Variants in MDFIC2 observed in about 807,000 individuals in gnomAD.
MDFIC2 encodes MyoD family inhibitor domain containing 2.
At chr3:70,274,078 T>TGG (rs754403100) in intron 2 of MDFIC2, among the ~76,000 whole-genome samples, 4 of 149,102 alleles carry the variant, frequency 2.7e-5, no homozygotes, top group African/African-American at 9.9e-5. Flanking sequence ...TGTGTGTGTG[T>TGG]GTGTGTGTGT....
intron 2 of MDFIC2, among the ~76,000 whole-genome samples, chr3:70,261,596 A>T (rs948039586): frequency 6.6e-6 from 1 of 152,126 alleles, no homozygotes; most frequent in Non-Finnish European, 1.5e-5. Flanking sequence ...TTTCCCTGAC[A>T]TCCCTGCCTG....
intron 2 of MDFIC2, among the ~76,000 whole-genome samples, chr3:70,289,079 T>C (rs1702199089): frequency 6.6e-6 from 1 of 152,170 alleles, no homozygotes; most frequent in African/African-American, 2.4e-5. Flanking sequence ...AATAGTGTTA[T>C]GTGTGTATTT....
intron 3 of MDFIC2, chr3:70,205,130 A>G (rs2106723165): frequency 6.6e-6 from 1 of 152,186 alleles, no homozygotes; most frequent in African/African-American, 2.4e-5. Flanking sequence ...AAAATAAATA[A>G]AAGTAATTAT....
intron 2 of MDFIC2, among the ~76,000 whole-genome samples, chr3:70,234,575 G>A (rs930738878): frequency 6.6e-6 from 1 of 151,906 alleles, no homozygotes; most frequent in Non-Finnish European, 1.5e-5. Flanking sequence ...GGGAAGTCGA[G>A]GCTGCAGTGA....
intron 2 of MDFIC2, among the ~76,000 whole-genome samples, chr3:70,232,404 A>AT (rs200752002): frequency 0.087 from 12,626 of 144,894 alleles, 563 homozygotes; most frequent in South Asian, 0.13. Flanking sequence ...TGATGTTCCT[A>AT]TTTTTTTTTT....
At chr3:70,278,046 C>A (rs1702044561) in intron 2 of MDFIC2, among the ~76,000 whole-genome samples, 1 of 152,100 alleles carries the variant, frequency 6.6e-6, no homozygotes, top group Non-Finnish European at 1.5e-5. Context: ...TAACCACCAC[C>A]CCATCAAGAT....
At position 70,195,281 on chromosome 3, in the gene MDFIC2, G is replaced by A. The variant is rs772978855; in HGVS notation, c.*1645C>T. Among the ~76,000 whole-genome samples the A allele has an allele frequency of 2.6e-5, 4 of 152,038 alleles. No individual in the cohort carries two copies. Among genetic ancestry groups the A allele is most frequent in the Non-Finnish European group, 2.9e-5 (2 of 68,016 alleles). ...TATAGAGCTGTTTCTTCGAGCTTCT[G>A]AAAAGCAGAAAGACTTTTTCATGGA... On this transcript the variant is annotated 3_prime_UTR_variant, in exon 4 of 4. Coordinates refer to ENST00000567252, the MANE Select transcript of MDFIC2 (RefSeq NM_001364677.1).
intron 3 of MDFIC2, among the ~76,000 whole-genome samples, chr3:70,198,872 C>A (rs1701207485): frequency 6.6e-6 from 1 of 152,106 alleles, no homozygotes; most frequent in South Asian, 2.1e-4. Context: ...AAACCTCCCA[C>A]AAAAATGCAA....
At chr3:70,219,562 T>A (rs947126480) in intron 2 of MDFIC2, among the ~76,000 whole-genome samples, 1 of 152,096 alleles carries the variant, frequency 6.6e-6, no homozygotes. Context: ...AGAGAAATAC[T>A]GAGAAATAAT....
chr3:70,245,673 A>ATATG (rs1701700097), intron 2 of MDFIC2, among the ~76,000 whole-genome samples: 2 of 50,330 alleles, frequency 4.0e-5, no homozygotes, highest in East Asian at 1.3e-3. Context: ...AAACTGCTTT[A>ATATG]TATATATATA....
intron 2 of MDFIC2, among the ~76,000 whole-genome samples, chr3:70,255,716 C>T (rs1163580779): frequency 2.0e-5 from 3 of 152,134 alleles, no homozygotes; most frequent in Admixed American, 2.0e-4. Flanking sequence ...ACTTTGGCCT[C>T]TCAAGGGGAG....
chr3:70,222,438 T>C (rs552731317), intron 2 of MDFIC2, among the ~76,000 whole-genome samples: 3 of 152,352 alleles, frequency 2.0e-5, no homozygotes, highest in African/African-American at 7.2e-5. Context: ...TTGGTATTTA[T>C]GGATTTGTTT....
At chr3:70,240,825 T>C (rs1701660446) in intron 2 of MDFIC2, among the ~76,000 whole-genome samples, 2 of 152,104 alleles carry the variant, frequency 1.3e-5, no homozygotes, top group Non-Finnish European at 1.5e-5. Flanking sequence ...AATTAAGATA[T>C]TAAGTGGTGT....
chr3:70,267,514 T>C (rs1575610686), intron 2 of MDFIC2, among the ~76,000 whole-genome samples: 1 of 144,114 alleles, frequency 6.9e-6, no homozygotes, highest in Non-Finnish European at 1.5e-5. Flanking sequence ...GCCCTTCTCC[T>C]GCCTCAGCTT....
chr3:70,293,352 A>G (rs1702257861), intron 2 of MDFIC2, among the ~76,000 whole-genome samples: 1 of 152,190 alleles, frequency 6.6e-6, no homozygotes, highest in African/African-American at 2.4e-5. Context: ...TTATTAATAC[A>G]TTAAATAAGA....
intron 2 of MDFIC2, among the ~76,000 whole-genome samples, chr3:70,216,023 A>G (rs1701406423): frequency 6.6e-6 from 1 of 152,120 alleles, no homozygotes; most frequent in Admixed American, 6.6e-5. Context: ...AACTGTGAAA[A>G]TACAAAAAGA....
At chr3:70,262,718 A>C (rs1423444990) in intron 2 of MDFIC2, among the ~76,000 whole-genome samples, 1 of 152,112 alleles carries the variant, frequency 6.6e-6, no homozygotes, top group African/African-American at 2.4e-5. Context: ...GGGTTATTGG[A>C]GATTCCGGGA....
At chr3:70,299,447 G>A (rs182070386) in intron 2 of MDFIC2, among the ~76,000 whole-genome samples, 24 of 151,960 alleles carry the variant, frequency 1.6e-4, no homozygotes, top group Admixed American at 5.9e-4. Context: ...GATAACTTAC[G>A]TAAAGCCACA....
chr3:70,247,175 C>T (rs1162871039), intron 2 of MDFIC2, among the ~76,000 whole-genome samples: 1 of 151,784 alleles, frequency 6.6e-6, no homozygotes, highest in Non-Finnish European at 1.5e-5. Context: ...TTTTTTCTAA[C>T]TTTGGATGAC....
Sources: allele counts gnomAD v4.1 joint callset (sites outside exome capture counted in the v4.1 genomes callset), GRCh38; gene constraint gnomAD v4.1.1; transcripts MANE v1.5; gene names NCBI Gene and HGNC (gene_info 2026-07-23, HGNC 2026-07-21).